Variants in IL2RB observed in about 807,000 individuals in gnomAD.
IL2RB encodes the protein interleukin 2 receptor subunit beta.
In IL2RB, 17 loss-of-function variants were observed where a neutral mutation model predicts 44.2. The observed-to-expected ratio is 0.38, with a 90% CI of 0.26 to 0.58. The LOEUF is 0.58. Ranked by LOEUF, IL2RB falls within the 20% of genes least tolerant of loss-of-function variation. The probability of loss-of-function intolerance (pLI) is 0.63; values close to 1 mark genes in which losing one functional copy is unlikely to be tolerated. For synonymous variants in IL2RB, 286 were observed against 297.9 expected (o/e 0.96, Z 0.41); for missense variants, 624 against 685.5 (o/e 0.91, Z 1.00).
chr22:37,162,509 G>A (rs1225710112), intron 1 of IL2RB, among the ~76,000 whole-genome samples: 1 of 152,202 alleles, frequency 6.6e-6, no homozygotes, highest in Non-Finnish European at 1.5e-5. Flanking sequence ...CTTGCTAACT[G>A]GTTTATACTT....
intron 1 of IL2RB, among the ~76,000 whole-genome samples, chr22:37,162,223 C>G (rs1232294463): frequency 6.6e-6 from 1 of 152,164 alleles, no homozygotes; most frequent in Admixed American, 6.5e-5. Flanking sequence ...TGCCCGCCCC[C>G]ACGGTTTTCT....
chr22:37,153,548 A>T (rs190668505), upstream of IL2RB, among the ~76,000 whole-genome samples: 7 of 152,328 alleles, frequency 4.6e-5, no homozygotes, highest in East Asian at 1.3e-3. Flanking sequence ...AGTTCCTTCC[A>T]CACTGCCCTT....
chr22:37,154,575 C>CTTTTTTTT (rs57147928), upstream of IL2RB, among the ~76,000 whole-genome samples: 2 of 141,608 alleles, frequency 1.4e-5, no homozygotes, highest in African/African-American at 2.6e-5. Context: ...CTTTTTTTTT[C>CTTTTTTTT]TTTTTTTTTT....
intron 1 of IL2RB, among the ~76,000 whole-genome samples, chr22:37,157,351 A>G (rs1467655266): frequency 6.6e-6 from 1 of 151,720 alleles, no homozygotes; most frequent in African/African-American, 2.4e-5. Flanking sequence ...CATCACCCTT[A>G]CTTCTGCTTT....
chr22:37,139,257 G>C, intron 4 of IL2RB, 35 bp from the exon 5 acceptor site: 1 of 1,451,938 alleles, frequency 6.9e-7, no homozygotes, highest in Middle Eastern at 1.7e-4. Flanking sequence ...GAAACTTCTA[G>C]CAGCTTCAGG....
chr22:37,174,560 G>T (rs986918367), intron 1 of IL2RB, among the ~76,000 whole-genome samples: 16 of 152,090 alleles, frequency 1.1e-4, no homozygotes, highest in African/African-American at 3.9e-4. Flanking sequence ...AGAACAAACC[G>T]GTTACGTCAT....
intron 1 of IL2RB, among the ~76,000 whole-genome samples, chr22:37,163,892 A>G (rs1363179863): frequency 7.9e-5 from 12 of 152,374 alleles, no homozygotes; most frequent in Non-Finnish European, 1.5e-4. Flanking sequence ...AGACCAGCTC[A>G]TTCCTCAGTG....
intron 8 of IL2RB, 138 bp downstream of exon 8, chr22:37,135,187 TGAC>T (rs1296933409): frequency 5.7e-5 from 36 of 634,934 alleles, no homozygotes; most frequent in African/African-American, 4.6e-4. Flanking sequence ...GTCCAGAATC[TGAC>T]CTGGCAAGGT....
intron 7 of IL2RB, 96 bp from the exon 8 acceptor site, chr22:37,135,538 G>A (rs1467504436): frequency 2.8e-6 from 2 of 720,050 alleles, no homozygotes; most frequent in Non-Finnish European, 4.9e-6. Flanking sequence ...CCAGGGCCCT[G>A]CCACGCAGGC....
chr22:37,134,768 A>G (rs1002127445), intron 8 of IL2RB, among the ~76,000 whole-genome samples: 1 of 152,134 alleles, frequency 6.6e-6, no homozygotes, highest in African/African-American at 2.4e-5. Context: ...CCGGTGTGTC[A>G]TTACACACCT....
intron 1 of IL2RB, among the ~76,000 whole-genome samples, chr22:37,148,701 G>T (rs994676002): frequency 6.6e-6 from 1 of 152,144 alleles, no homozygotes; most frequent in Non-Finnish European, 1.5e-5. Context: ...ACAGCCCCAT[G>T]AGGAGGCTCT....
chr22:37,143,431 T>A lies in IL2RB; in HGVS notation c.203+90A>T, dbSNP rs1922061475. ...TGGGTCCCATTAGTCCAAGATTCTG[T>A]AAACGTTGACTCCTTGGAGTCCAGT... On this transcript the variant is annotated intron_variant, in intron 3 of 9. Coordinates refer to ENST00000216223, the MANE Select transcript of IL2RB (RefSeq NM_000878.5). 1.2e-5 allele frequency: 10 copies of A among 843,474 alleles called. No individual in the cohort carries two copies. In the South Asian group the frequency reaches 1.2e-4, roughly 10 times the overall value. 52.2% of individuals were successfully genotyped at this position (843,474 alleles called of 1,614,324 possible). A position where few individuals can be genotyped will look rare whatever the true frequency, so the allele number is the denominator to read the frequency against.
chr22:37,171,991 C>G (rs1207562012), intron 1 of IL2RB, among the ~76,000 whole-genome samples: 1 of 152,098 alleles, frequency 6.6e-6, no homozygotes, highest in Non-Finnish European at 1.5e-5. Flanking sequence ...AGAGCTTTCC[C>G]CTGGGTTGAG....
In IL2RB at chr22:37,128,062, A is replaced by G; in HGVS notation, c.*34T>C. The G allele has an allele frequency of 6.7e-7, 1 of 1,483,766 alleles. No homozygotes were observed. The highest frequency in any genetic ancestry group is 8.9e-7 in the Non-Finnish European group (1 of 1,121,062). The allele number at this position is 1,483,766 out of a possible 1,614,324, so 91.9% of individuals were successfully genotyped here. Reference sequence around the variant, plus strand: ...GTCCTTCTGAGGCTCGGCGCAGAGCAGGCAGCTGCCTGCCTCCCACCCTGG... The same window carrying G: ...GTCCTTCTGAGGCTCGGCGCAGAGCGGGCAGCTGCCTGCCTCCCACCCTGG... On this transcript the variant is annotated 3_prime_UTR_variant, in exon 10 of 10. Coordinates refer to ENST00000216223, the MANE Select transcript of IL2RB (RefSeq NM_000878.5). This position sits in a 1 kb window ranked among gnomAD's most constrained non-coding sequence, Gnocchi z 4.5.
At chr22:37,155,516 T>C (rs1922649349) in intron 1 of IL2RB, among the ~76,000 whole-genome samples, 1 of 152,230 alleles carries the variant, frequency 6.6e-6, no homozygotes, top group African/African-American at 2.4e-5. Context: ...TGTCAGGGCT[T>C]TGTGCATGCT....
chr22:37,145,398 A>G (rs1601604239), intron 1 of IL2RB, among the ~76,000 whole-genome samples: 1 of 151,940 alleles, frequency 6.6e-6, no homozygotes, highest in Admixed American at 6.6e-5. Flanking sequence ...CCTATTATGC[A>G]CTGGCCACTG....
chr22:37,164,605 G>A (rs1182705062), intron 1 of IL2RB, among the ~76,000 whole-genome samples: 2 of 152,068 alleles, frequency 1.3e-5, no homozygotes, highest in Non-Finnish European at 2.9e-5. Context: ...TCCCCACTGG[G>A]CCTTCTTCCT....
rs1273064063 is a variant in IL2RB, at chr22:37,141,109, G to A, written c.282+1325C>T. Among the ~76,000 whole-genome samples, 1 of 152,152 alleles carries A rather than the reference G, an allele frequency of 6.6e-6. No individual in the cohort carries two copies. Among genetic ancestry groups the A allele is most frequent in the Non-Finnish European group, 1.5e-5 (1 of 68,010 alleles). ...TGCAGCTGCCTAAGTCTTGGCTGTG[G>A]ACCCAGGCCTCCTGGTGCTGTTGGG... On this transcript the variant is annotated intron_variant, in intron 4 of 9. Transcript: ENST00000216223. The surrounding 1 kb of genome is among the most constrained non-coding windows in gnomAD (Gnocchi z 4.4).
chr22:37,173,742 A>G lies in IL2RB; in HGVS notation c.-34+1216T>C, dbSNP rs547768645. ...GCAGCCTCAGCATTAACCACACACTAAACTGCCAGGGGGGGTTGGGGAGGG... is the reference window on the plus strand; with the variant it reads ...GCAGCCTCAGCATTAACCACACACTGAACTGCCAGGGGGGGTTGGGGAGGG... On this transcript the variant is annotated intron_variant, in intron 1 of 5. Coordinates refer to the IL2RB transcript ENST00000429622. 2.5e-4 allele frequency among the ~76,000 whole-genome samples: 38 copies of G among 152,056 alleles called. No homozygotes were observed. The South Asian group carries it at 7.7e-3, about 31-fold the overall frequency.
Sources: gnomAD v4.1 joint callset for allele counts (sites outside exome capture counted in the v4.1 genomes callset) on GRCh38, gnomAD v4.1.1 for gene constraint, Gnocchi (gnomAD v3.1) non-coding constraint, MANE v1.5 for transcripts, NCBI Gene and HGNC (gene_info 2026-07-23, HGNC 2026-07-21) for gene names.